CLPSL1: variants seen among roughly 807,000 people sequenced by gnomAD.
CLPSL1 encodes the protein colipase like 1.
Under a neutral mutation model 9.3 loss-of-function variants are expected in CLPSL1, and 13 were observed. The ratio of observed to expected loss-of-function variants is 1.40; its 90% CI spans 0.91 to 2.22. The LOEUF (loss-of-function observed/expected upper bound fraction) is 2.22. CLPSL1 is among the 30% of genes most tolerant of loss of function. The pLI, the probability that CLPSL1 is intolerant of heterozygous loss-of-function variation, is 0.00. For synonymous variants in CLPSL1, 58 were observed against 56.9 expected, an observed-to-expected ratio of 1.02 and a Z score of -0.08; for missense variants, 164 against 146.6, an observed-to-expected ratio of 1.12 and a Z score of -0.61.
intron 2 of CLPSL1, 114 bp from the exon 3 acceptor site, chr6:35,787,753 C>A (rs1223640271): frequency 1.0e-6 from 1 of 1,003,388 alleles, no homozygotes; most frequent in East Asian, 2.5e-5. Context: ...TATCATTTAT[C>A]CCTGGATCCT....
rs778751960 is a variant in CLPSL1 at position 35,788,073 on chromosome 6, T to C, written c.*63T>C. The C allele has an allele frequency of 5.5e-6, 7 of 1,272,956 alleles. No individual in the cohort carries two copies. The South Asian group carries it at 7.2e-5, about 13-fold the overall frequency. The allele number at this position is 1,272,956 out of a possible 1,614,324, so 78.9% of individuals were successfully genotyped here. On this transcript the variant is annotated 3_prime_UTR_variant, in exon 3 of 3. Coordinates refer to ENST00000373861, the MANE Select transcript of CLPSL1 (RefSeq NM_001010886.5). ...GCTCTCCTCCCTACCCAGAGCTCTG[T>C]GTTCACCCTGTTCCCCAGAGCCTCC...
downstream of CLPSL1, among the ~76,000 whole-genome samples, chr6:35,789,556 A>G (rs1291823898): frequency 6.6e-6 from 1 of 152,284 alleles, no homozygotes; most frequent in Admixed American, 6.5e-5. Context: ...AGACACCAAC[A>G]GCACAGGCAA....
At chr6:35,793,616 T>A (rs904894328) in exon 2 of CLPSL1, 1 of 468,474 alleles carries the variant, frequency 2.1e-6, no homozygotes, top group African/African-American at 2.0e-5. Context: ...ATGCCAGCAC[T>A]TCCTGTGTCT....
At chr6:35,784,663 G>A (rs1768032911) in intron 1 of CLPSL1, among the ~76,000 whole-genome samples, 1 of 152,182 alleles carries the variant, frequency 6.6e-6, no homozygotes, top group Non-Finnish European at 1.5e-5. Context: ...ATTTTGGGAG[G>A]CCAAGGTGGG....
downstream of CLPSL1, among the ~76,000 whole-genome samples, chr6:35,791,557 G>A (rs1472532126): frequency 2.0e-5 from 3 of 151,890 alleles, no homozygotes; most frequent in Non-Finnish European, 1.5e-5. Context: ...GCAGCGAGCC[G>A]AGATCGTGCC....
intron 1 of CLPSL1, among the ~76,000 whole-genome samples, chr6:35,785,855 C>G (rs950424903): frequency 4.1e-4 from 60 of 147,920 alleles, no homozygotes; most frequent in African/African-American, 1.5e-3. Flanking sequence ...GAGGCTGAGC[C>G]AGGAGGATTG....
chr6:35,788,431 G>T (rs1261723721), downstream of CLPSL1, among the ~76,000 whole-genome samples: 2 of 152,250 alleles, frequency 1.3e-5, no homozygotes, highest in African/African-American at 4.8e-5. Flanking sequence ...TTTCAGAAAT[G>T]TGAAAGAAGG....
chr6:35,787,121 G>T lies in CLPSL1; in HGVS notation c.222+1G>T. Reference sequence around the variant, plus strand: ...CGAGGGCAGTCTGTGTCAAACGCAGGTGGGTATCGCCGCCCGGGGGGAGCC... The same window carrying T: ...CGAGGGCAGTCTGTGTCAAACGCAGTTGGGTATCGCCGCCCGGGGGGAGCC... On this transcript the variant is annotated splice_donor_variant, in intron 2 of 2. Coordinates refer to ENST00000373861, the MANE Select transcript of CLPSL1 (RefSeq NM_001010886.5). LOFTEE classifies it high-confidence loss of function. 1 of 1,611,828 alleles carries T rather than the reference G, an allele frequency of 6.2e-7. No individual in the cohort carries two copies. Among genetic ancestry groups the T allele is most frequent in the Non-Finnish European group, 8.5e-7 (1 of 1,179,540 alleles).
At position 35,788,028 on chromosome 6, in the gene CLPSL1, T is replaced by G; in HGVS notation, c.*18T>G. 1.3e-6 allele frequency: 2 copies of G among 1,590,046 alleles called. No homozygotes were observed. Among genetic ancestry groups the G allele is most frequent in the Non-Finnish European group, 1.7e-6 (2 of 1,159,048 alleles). ...TCTTCTAGTGCTCCCTCCTTCTTGC[T>G]GCCTCCTCCTCCTCCACCTGCTCTC... is the stretch of plus-strand genomic sequence containing the variant. On this transcript the variant is annotated 3_prime_UTR_variant, in exon 3 of 3. Transcript: ENST00000373861.
intron 1 of CLPSL1, among the ~76,000 whole-genome samples, chr6:35,785,814 G>C (rs1004458205): frequency 2.0e-5 from 3 of 152,028 alleles, no homozygotes; most frequent in Admixed American, 6.5e-5. Context: ...GCTGGGCATG[G>C]TGGTGTGTGC....
chr6:35,786,924 A>G (rs886496630), intron 1 of CLPSL1, 74 bp from the exon 2 acceptor site: 1 of 1,516,926 alleles, frequency 6.6e-7, no homozygotes, highest in Admixed American at 2.0e-5. Context: ...CCCCGTAGGG[A>G]GAAAGCCCCA....
At chr6:35,791,274 C>T (rs1768202232), downstream of CLPSL1, among the ~76,000 whole-genome samples, 1 of 152,250 alleles carries the variant, frequency 6.6e-6, no homozygotes. Context: ...GGGCTACATC[C>T]TGATAAACAC....
At chr6:35,786,867 C>A in intron 1 of CLPSL1, 131 bp from the exon 2 acceptor site, 1 of 1,198,094 alleles carries the variant, frequency 8.3e-7, no homozygotes, top group Non-Finnish European at 1.2e-6. Context: ...GACCACCCTG[C>A]CTGGCAGGAG....
intron 2 of CLPSL1, among the ~76,000 whole-genome samples, chr6:35,787,624 C>T (rs1466462045): frequency 6.6e-6 from 1 of 152,256 alleles, no homozygotes; most frequent in African/African-American, 2.4e-5. Context: ...GGACTTAGGA[C>T]AGGCAGATGG....
downstream of CLPSL1, among the ~76,000 whole-genome samples, chr6:35,789,143 C>T (rs1768144294): frequency 6.6e-6 from 1 of 152,262 alleles, no homozygotes. Flanking sequence ...TCTCCCCATT[C>T]AGAGAAAACC....
chr6:35,782,348 AG>A (rs1466537862), intron 1 of CLPSL1, among the ~76,000 whole-genome samples: 13 of 152,262 alleles, frequency 8.5e-5, no homozygotes, highest in Non-Finnish European at 1.8e-4. Flanking sequence ...TTATGCATTC[AG>A]CACCTGCAAT....
rs34500810 is a variant in CLPSL1, at chr6:35,785,174, A to ATTTTTT, written c.100-1808_100-1803dup. 1.6e-4 allele frequency among the ~76,000 whole-genome samples: 18 copies of ATTTTTT among 115,712 alleles called. 1 individual carries two copies. Among genetic ancestry groups the ATTTTTT allele is most frequent in the African/African-American group, 5.4e-4 (16 of 29,378 alleles). The allele number at this position is 115,712 out of a possible 152,430, so 75.9% of individuals were successfully genotyped here. A position where few individuals can be genotyped will look rare whatever the true frequency, so the allele number is the denominator to read the frequency against. ...TTTCCTGTGGAGTGTGCCCCTGGAA[A>ATTTTTT]TTTTTTTTTTTTTTTTTTTTTGAGA... On this transcript the variant is annotated intron_variant, in intron 1 of 2. Transcript: ENST00000373861.
At position 35,781,102 on chromosome 6, in the gene CLPSL1, C is replaced by A. The variant is rs916257791; in HGVS notation, c.-9C>A. 3.7e-6 allele frequency: 6 copies of A among 1,613,588 alleles called. No homozygotes were observed. Among genetic ancestry groups the A allele is most frequent in the Non-Finnish European group, 5.1e-6 (6 of 1,179,768 alleles). On this transcript the variant is annotated 5_prime_UTR_variant, in exon 1 of 3. In the 5' UTR this introduces an upstream ATG that the reference lacks. Transcript: ENST00000373861. ...TGGACCCTAGAAAAGCCACCACGAC[C>A]TGTGGGCCATGATGCTACCCCAATG...
intron 2 of CLPSL1, 97 bp downstream of exon 2, chr6:35,787,217 C>A: frequency 7.2e-7 from 1 of 1,392,172 alleles, no homozygotes; most frequent in Non-Finnish European, 9.9e-7. Flanking sequence ...GGTAGGTGGG[C>A]GGAAATGCCC....
Sources: gnomAD v4.1 joint callset for allele counts (sites outside exome capture counted in the v4.1 genomes callset) on GRCh38, gnomAD v4.1.1 for gene constraint, MANE v1.5 for transcripts, NCBI Gene and HGNC (gene_info 2026-07-23, HGNC 2026-07-21) for gene names.